The following TXNDC9 variants were observed in gnomAD, a reference collection of about 807,000 sequenced individuals.
The protein encoded by TXNDC9 is thioredoxin domain-containing protein 9.
TXNDC9 carries 7 observed loss-of-function variants against 23.0 expected under a neutral mutation model. The ratio of observed to expected loss-of-function variants is 0.30; its 90% CI spans 0.17 to 0.57. The LOEUF is 0.57. Ranked by LOEUF, TXNDC9 falls within the 20% of genes least tolerant of loss-of-function variation. The pLI is 0.90. For synonymous variants in TXNDC9, 72 were observed against 90.6 expected (o/e 0.79, Z 1.17); for missense variants, 198 against 252.6 (o/e 0.78, Z 1.47).
chr2:99,316,117 CTTTTTTTT>C (rs57142545), downstream of TXNDC9, among the ~76,000 whole-genome samples: 36 of 136,008 alleles, frequency 2.6e-4, no homozygotes, highest in East Asian at 1.1e-3. Flanking sequence ...ATTTCTTTTT[CTTTTTTTT>C]TTTTTTTTGT....
intron 2 of TXNDC9, among the ~76,000 whole-genome samples, chr2:99,332,321 T>C (rs560630002): frequency 1.3e-5 from 2 of 152,268 alleles, no homozygotes; most frequent in Admixed American, 6.5e-5. Flanking sequence ...TGTGCGCCTG[T>C]AGTCCCAGCT....
chr2:99,332,784 A>G (rs1440429968), intron 2 of TXNDC9: 10 of 431,844 alleles, frequency 2.3e-5, no homozygotes, highest in African/African-American at 6.1e-5. Context: ...AAGCTCAGAA[A>G]AACGATCTTG....
At chr2:99,331,054 T>C (rs1559236732) in intron 2 of TXNDC9, among the ~76,000 whole-genome samples, 2 of 152,338 alleles carry the variant, frequency 1.3e-5, no homozygotes, top group South Asian at 4.1e-4. Context: ...TGCCAAAAAG[T>C]TCCTTTAAGA....
Position 99,322,296 on chromosome 2 carries a change from T to C in TXNDC9, c.309-87A>G, listed in dbSNP as rs567547672. On this transcript the variant is annotated intron_variant, in intron 3 of 4. Transcript: ENST00000264255. ...AATATCATCAAGGGAAATCTAATTA[T>C]GTAGTTTTTCTGTTGACTCTCATAA... The C allele has an allele frequency of 6.4e-5, 96 of 1,500,090 alleles. No individual in the cohort carries two copies. In the African/African-American group the frequency reaches 7.1e-4, roughly 11 times the overall value. 92.9% of individuals were successfully genotyped at this position (1,500,090 alleles called of 1,614,324 possible). A position where few individuals can be genotyped will look rare whatever the true frequency, so the allele number is the denominator to read the frequency against.
At chr2:99,324,818 T>G (rs969380185) in intron 3 of TXNDC9, among the ~76,000 whole-genome samples, 4 of 152,214 alleles carry the variant, frequency 2.6e-5, no homozygotes, top group African/African-American at 9.6e-5. Flanking sequence ...CGATCTCAGC[T>G]CAATGCAACC....
chr2:99,315,345 A>G (rs976572231), downstream of TXNDC9, among the ~76,000 whole-genome samples: 12 of 152,036 alleles, frequency 7.9e-5, no homozygotes, highest in South Asian at 4.1e-4. Context: ...AATTACAGGC[A>G]TGAGCCACCG....
chr2:99,313,876 AAATATTCTAAC>A, the TXNDC9 span, among the ~76,000 whole-genome samples: 3 of 152,156 alleles, frequency 2.0e-5, no homozygotes, highest in Non-Finnish European at 2.9e-5. Context: ...TTCATTCCTA[AAATATTCTAAC>A]ATCTGACTTC....
At chr2:99,318,804 C>T (rs961541215), downstream of TXNDC9, among the ~76,000 whole-genome samples, 10 of 152,128 alleles carry the variant, frequency 6.6e-5, no homozygotes, top group African/African-American at 2.4e-4. Context: ...CTCTTGGCTA[C>T]TCTTGCTTGC....
the TXNDC9 span, among the ~76,000 whole-genome samples, chr2:99,307,019 CTTCCTTCCTTCTTCCTTTTCTTT>C: frequency 6.3e-5 from 5 of 79,428 alleles, no homozygotes; most frequent in Admixed American, 6.7e-4. Context: ...CCCTCCCTTC[CTTCCTTCCTTCTTCCTTTTCTTT>C]CTTCCTTCCC....
At chr2:99,335,113 G>A (rs1276348001) in intron 1 of TXNDC9, among the ~76,000 whole-genome samples, 4 of 152,176 alleles carry the variant, frequency 2.6e-5, no homozygotes, top group Non-Finnish European at 4.4e-5. Context: ...GGTTATTACT[G>A]CAGAAATGAT....
intron 3 of TXNDC9, 37 bp downstream of exon 3, chr2:99,327,498 T>A (rs762519882): frequency 3.5e-6 from 5 of 1,439,344 alleles, no homozygotes; most frequent in Non-Finnish European, 4.9e-6. Context: ...ATTCACTGTG[T>A]TTTTTTAGAA....
chr2:99,319,758 A>G lies in TXNDC9; in HGVS notation c.605T>C (p.Phe202Ser), dbSNP rs527879027. 1.0e-5 allele frequency: 16 copies of G among 1,602,852 alleles called. No individual in the cohort carries two copies. The African/African-American group carries it at 2.2e-4, about 22-fold the overall frequency. Reference protein sequence around the residue: ...MEPPFQNQKKFGTNFTKLEKK... With the variant: ...MEPPFQNQKKSGTNFTKLEKK... ...TTCCAGCTTTGTGAAGTTTGTTCCAAATTTCTTTTGGTTCTGAAATGGTGG... is the reference window on the plus strand; with the variant it reads ...TTCCAGCTTTGTGAAGTTTGTTCCAGATTTCTTTTGGTTCTGAAATGGTGG... Residue 202 changes from phenylalanine to serine, a missense_variant, in exon 5 of 5, where the codon TTT becomes TCT. Phe to Ser is a radical substitution (Grantham distance 155). Coordinates refer to ENST00000264255, the MANE Select transcript of TXNDC9 (RefSeq NM_005783.4).
chr2:99,332,579 C>T (rs2094228645), intron 2 of TXNDC9, among the ~76,000 whole-genome samples: 1 of 152,214 alleles, frequency 6.6e-6, no homozygotes, highest in African/African-American at 2.4e-5. Flanking sequence ...TGTTACAAAG[C>T]ATGCATTCTT....
rs114954974 is a variant in TXNDC9, at chr2:99,332,848, T to C, written c.189+174A>G. ...ATTAATATAGAGATTGGGCTAATTT[T>C]GAATGTCTTTAAAACATATTTTTTT... On this transcript the variant is annotated intron_variant, in intron 2 of 4. Transcript: ENST00000264255. 1.7e-3 allele frequency: 963 copies of C among 578,668 alleles called. 6 individuals carry two copies. Among genetic ancestry groups the C allele is most frequent in the African/African-American group, 0.017 (883 of 53,382 alleles). The allele number at this position is 578,668 out of a possible 1,614,324, so 35.8% of individuals were successfully genotyped here.
downstream of TXNDC9, among the ~76,000 whole-genome samples, chr2:99,317,616 C>T (rs1455486481): frequency 1.3e-5 from 2 of 152,114 alleles, no homozygotes; most frequent in African/African-American, 4.8e-5. Context: ...TATTAGCACC[C>T]ACTAATTTAC....
At chr2:99,321,691 G>A (rs555828555) in intron 4 of TXNDC9, 3 of 363,270 alleles carry the variant, frequency 8.3e-6, no homozygotes, top group African/African-American at 2.1e-5. Flanking sequence ...AATAGTATAC[G>A]TTAAGCTGAA....
chr2:99,333,823 T>A (rs2094231688), intron 1 of TXNDC9, among the ~76,000 whole-genome samples: 1 of 152,320 alleles, frequency 6.6e-6, no homozygotes, highest in East Asian at 1.9e-4. Context: ...AGCATTAATG[T>A]CCATTCCTGT....
intron 2 of TXNDC9, chr2:99,332,791 C>T (rs2094229095): frequency 2.2e-6 from 1 of 460,026 alleles, no homozygotes; most frequent in Non-Finnish European, 3.8e-6. Context: ...GAAAAACGAT[C>T]TTGGGCAGAT....
chr2:99,312,224 T>C, the TXNDC9 span, among the ~76,000 whole-genome samples: 1 of 152,142 alleles, frequency 6.6e-6, no homozygotes, highest in African/African-American at 2.4e-5. Context: ...TGTGGACATT[T>C]TCCCACTAAA....
Sources: gnomAD v4.1 joint callset for allele counts (sites outside exome capture counted in the v4.1 genomes callset) on GRCh38, gnomAD v4.1.1 for gene constraint, MANE v1.5 for transcripts, NCBI Gene and HGNC (gene_info 2026-07-23, HGNC 2026-07-21) for gene names.